NCK1: variants seen among roughly 807,000 people sequenced by gnomAD.
NCK1 encodes the protein SH2/SH3 adapter protein NCK1.
In NCK1, 19 loss-of-function variants were observed where a neutral mutation model predicts 36.6. That is an observed-to-expected ratio of 0.52 (90% CI 0.36 to 0.76). The LOEUF is 0.76. Among genes scored for constraint, NCK1 ranks in the 30% least tolerant of loss-of-function variants. The pLI is 0.00. For synonymous variants in NCK1, 165 were observed against 156.0 expected, an observed-to-expected ratio of 1.06 and a Z score of -0.43; for missense variants, 358 against 445.6, an observed-to-expected ratio of 0.80 and a Z score of 1.77.
chr3:136,897,332 T>C (rs1018592531), intron 1 of NCK1, among the ~76,000 whole-genome samples: 1 of 152,186 alleles, frequency 6.6e-6, no homozygotes, highest in African/African-American at 2.4e-5. Flanking sequence ...CCTCAAGTGA[T>C]CTGCCTGCCT....
rs1018688278 is a variant in NCK1 at position 136,949,029 on chromosome 3, C to A, written c.*576C>A. On this transcript the variant is annotated 3_prime_UTR_variant, in exon 4 of 4. Coordinates refer to ENST00000481752, the MANE Select transcript of NCK1 (RefSeq NM_001291999.2). ...TTTTTAAAAATACATTCATTGTCTT[C>A]AGTCATACAGCAAGACACATGAGAC... is the stretch of plus-strand genomic sequence containing the variant. 3 of 152,332 alleles carry A rather than the reference C, an allele frequency of 2.0e-5. No homozygotes were observed. The highest frequency in any genetic ancestry group is 4.4e-5 in the Non-Finnish European group (3 of 67,886). The allele number at this position is 152,332 out of a possible 1,614,324, so 9.4% of individuals were successfully genotyped here.
At chr3:136,898,533 G>C (rs1939450987) in intron 1 of NCK1, among the ~76,000 whole-genome samples, 1 of 152,048 alleles carries the variant, frequency 6.6e-6, no homozygotes, top group African/African-American at 2.4e-5. Flanking sequence ...CTAAATAGGA[G>C]ACACATGCCA....
At position 136,945,475 on chromosome 3, in the gene NCK1, TA is replaced by T. The variant is rs1377432832; in HGVS notation, c.227-105del. 60 of 719,516 alleles carry T rather than the reference TA, an allele frequency of 8.3e-5. 1 individual carries two copies. The highest frequency in any genetic ancestry group is 8.4e-4 in the Middle Eastern group (2 of 2,390). The allele number at this position is 719,516 out of a possible 1,614,324, so 44.6% of individuals were successfully genotyped here. A position where few individuals can be genotyped will look rare whatever the true frequency, so the allele number is the denominator to read the frequency against. On this transcript the variant is annotated intron_variant, in intron 2 of 3. Transcript: ENST00000481752. ...AGAAATTTGTTATATTTAAAAGCTT[TA>T]AAGATCTATATAGAGTTGAAGATCT...
intron 1 of NCK1, among the ~76,000 whole-genome samples, chr3:136,903,456 C>G (rs1322963776): frequency 6.6e-6 from 1 of 152,186 alleles, no homozygotes; most frequent in Non-Finnish European, 1.5e-5. Context: ...TGGAGTTTTG[C>G]TCTTGTTGCC....
Position 136,933,111 on chromosome 3 carries a change from A to G in NCK1, c.226+4884A>G, listed in dbSNP as rs532326500. ...AGAACCTAGCCTGGCAGCAGCTTAC[A>G]TGAGTAAAAAACTTAGTAAGAGCTG... On this transcript the variant is annotated intron_variant, in intron 2 of 3. Coordinates refer to ENST00000481752, the MANE Select transcript of NCK1 (RefSeq NM_001291999.2). Among the ~76,000 whole-genome samples the G allele has an allele frequency of 6.6e-5, 10 of 152,362 alleles. No homozygotes were observed. In the South Asian group the frequency reaches 2.1e-3, roughly 32 times the overall value.
At chr3:136,925,329 T>C (rs1940209624) in intron 1 of NCK1, among the ~76,000 whole-genome samples, 1 of 152,216 alleles carries the variant, frequency 6.6e-6, no homozygotes, top group Non-Finnish European at 1.5e-5. Context: ...CAGTTTTTAT[T>C]TTAATTAAAC....
At chr3:136,936,391 TG>T (rs1358872490) in intron 2 of NCK1, among the ~76,000 whole-genome samples, 1 of 152,242 alleles carries the variant, frequency 6.6e-6, no homozygotes, top group Non-Finnish European at 1.5e-5. Flanking sequence ...TCCACTCATC[TG>T]TTCATAGATG....
At chr3:136,865,311 C>A (rs1938382683) in intron 1 of NCK1, among the ~76,000 whole-genome samples, 1 of 152,176 alleles carries the variant, frequency 6.6e-6, no homozygotes, top group Non-Finnish European at 1.5e-5. Context: ...TCTCGAACTC[C>A]TGACCTCAAG....
chr3:136,887,442 C>T (rs1939103550), intron 1 of NCK1, among the ~76,000 whole-genome samples: 1 of 152,014 alleles, frequency 6.6e-6, no homozygotes, highest in South Asian at 2.1e-4. Flanking sequence ...GTTAAAAGGG[C>T]AGGAAGGTGA....
intron 2 of NCK1, among the ~76,000 whole-genome samples, chr3:136,937,436 G>C (rs1240171169): frequency 7.2e-5 from 11 of 152,096 alleles, no homozygotes; most frequent in Admixed American, 6.5e-4. Context: ...AGATTGTTTT[G>C]GTTGCTTAGG....
chr3:136,868,027 C>T (rs1938500939), intron 1 of NCK1, among the ~76,000 whole-genome samples: 2 of 152,070 alleles, frequency 1.3e-5, no homozygotes, highest in South Asian at 4.2e-4. Flanking sequence ...AAGCAATTCT[C>T]TTGCCTCAGC....
intron 1 of NCK1, among the ~76,000 whole-genome samples, chr3:136,884,064 A>G (rs941439309): frequency 1.3e-5 from 2 of 152,180 alleles, no homozygotes; most frequent in Admixed American, 1.3e-4. Context: ...AGAGAACACA[A>G]TTCAAATTAC....
At chr3:136,907,223 A>G (rs748522898) in intron 1 of NCK1, among the ~76,000 whole-genome samples, 4 of 152,112 alleles carry the variant, frequency 2.6e-5, no homozygotes, top group South Asian at 2.1e-4. Context: ...GCTGCAGTGT[A>G]GGGAGACAGT....
At position 136,928,114 on chromosome 3, in the gene NCK1, G is replaced by T. The variant is rs1211887220; in HGVS notation, c.113G>T (p.Trp38Leu). The T allele has an allele frequency of 6.2e-7, 1 of 1,614,076 alleles. No homozygotes were observed. Among genetic ancestry groups the T allele is most frequent in the Non-Finnish European group, 8.5e-7 (1 of 1,180,020 alleles). ...RLWLLDDSKSWWRVRNSMNKT... is the reference protein window; with the variant it reads ...RLWLLDDSKSLWRVRNSMNKT... ...TGGCTTCTGGATGATTCTAAGTCCT[G>T]GTGGCGAGTTCGAAATTCCATGAAT... The change falls in exon 2 of 4, where the codon TGG becomes TTG. Residue 38 changes from tryptophan (W) to leucine (L), a missense_variant. Trp to Leu is a moderately conservative substitution (Grantham distance 61). This residue lies in a region of NCK1 where 143 missense variants were observed against 162.4 expected (regional missense o/e 0.88). Transcript: ENST00000481752.
intron 1 of NCK1, among the ~76,000 whole-genome samples, chr3:136,911,342 T>A (rs940292871): frequency 3.3e-5 from 5 of 152,216 alleles, no homozygotes; most frequent in African/African-American, 1.2e-4. Flanking sequence ...TTTTTCATAA[T>A]GGCTGTACTA....
chr3:136,930,487 C>A (rs1940362856), intron 2 of NCK1: 5 of 1,328,406 alleles, frequency 3.8e-6, no homozygotes, highest in Non-Finnish European at 3.9e-6. Context: ...TGTTGCAGAA[C>A]AGACGAGGAA....
At chr3:136,900,277 T>C (rs1235043536) in intron 1 of NCK1, among the ~76,000 whole-genome samples, 1 of 152,216 alleles carries the variant, frequency 6.6e-6, no homozygotes, top group African/African-American at 2.4e-5. Context: ...TTCTGAATTA[T>C]CTGTTTTATT....
intron 1 of NCK1, among the ~76,000 whole-genome samples, chr3:136,886,629 T>C (rs1389017641): frequency 6.6e-6 from 1 of 152,154 alleles, no homozygotes; most frequent in Non-Finnish European, 1.5e-5. Flanking sequence ...ACTAAGAAAT[T>C]GCTGTCACAG....
chr3:136,946,478 A>G (rs1167773962), intron 3 of NCK1, among the ~76,000 whole-genome samples, 183 bp downstream of exon 3: 2 of 152,182 alleles, frequency 1.3e-5, no homozygotes, highest in African/African-American at 4.8e-5. Flanking sequence ...TTTTGAATAA[A>G]AGAGAGCTGT....
Sources: allele counts gnomAD v4.1 joint callset (sites outside exome capture counted in the v4.1 genomes callset), GRCh38; gene constraint gnomAD v4.1.1; regional missense constraint gnomAD v4.1.1; transcripts MANE v1.5; gene names NCBI Gene and HGNC (gene_info 2026-07-23, HGNC 2026-07-21).